The following TMEM108 variants were observed in gnomAD, a reference collection of about 807,000 sequenced individuals.
The protein encoded by TMEM108 is transmembrane protein 108.
TMEM108 carries 12 observed loss-of-function variants against 35.1 expected under a neutral mutation model. The ratio of observed to expected loss-of-function variants is 0.34; its 90% CI spans 0.22 to 0.55. The LOEUF is 0.55. Ranked by LOEUF, TMEM108 falls within the 20% of genes least tolerant of loss-of-function variation. The probability of loss-of-function intolerance (pLI) is 0.89; values close to 1 mark genes in which losing one functional copy is unlikely to be tolerated. For missense variants in TMEM108, 680 were observed against 753.3 expected (o/e 0.90, Z 1.14); for synonymous variants, 287 against 308.6 (o/e 0.93, Z 0.73).
chr3:133,270,473 A>G (rs1946754540), intron 3 of TMEM108, among the ~76,000 whole-genome samples: 1 of 152,218 alleles, frequency 6.6e-6, no homozygotes, highest in Non-Finnish European at 1.5e-5. Flanking sequence ...CCTAGGTTGC[A>G]TAGCTGATCT....
chr3:133,134,925 T>C (rs1944543375), intron 2 of TMEM108, among the ~76,000 whole-genome samples: 1 of 152,178 alleles, frequency 6.6e-6, no homozygotes, highest in South Asian at 2.1e-4. Context: ...TCTATGTCTG[T>C]CTGCTTCCTT....
chr3:133,390,172 C>A lies in TMEM108; in HGVS notation c.1451-8C>A, dbSNP rs530083129. The A allele has an allele frequency of 2.0e-5, 32 of 1,614,086 alleles. No individual in the cohort carries two copies. The South Asian group carries it at 3.2e-4, about 16-fold the overall frequency. ...CCCTCTCCTCTCTGACTTGCACTCT[C>A]TCCATAGCTGTCCTGCTGACGGTGT... On this transcript the variant is annotated splice_polypyrimidine_tract_variant and splice_region_variant and intron_variant, in intron 4 of 5. Coordinates refer to ENST00000321871, the MANE Select transcript of TMEM108 (RefSeq NM_023943.4).
chr3:133,251,397 G>A (rs139742527), intron 3 of TMEM108, among the ~76,000 whole-genome samples: 1 of 152,280 alleles, frequency 6.6e-6, no homozygotes, highest in African/African-American at 2.4e-5. Flanking sequence ...TCTCTAAAGA[G>A]TTTCATACAG....
intron 2 of TMEM108, among the ~76,000 whole-genome samples, chr3:133,102,034 T>G (rs1384697664): frequency 6.6e-6 from 1 of 152,230 alleles, no homozygotes; most frequent in African/African-American, 2.4e-5. Context: ...AGTCTTTTGA[T>G]TCATATTCAT....
At chr3:133,123,614 T>C (rs964556239) in intron 2 of TMEM108, among the ~76,000 whole-genome samples, 4 of 152,236 alleles carry the variant, frequency 2.6e-5, no homozygotes, top group African/African-American at 9.6e-5. Flanking sequence ...GAGCACTCAC[T>C]GTGTGTCATC....
intron 2 of TMEM108, among the ~76,000 whole-genome samples, chr3:133,173,913 G>A (rs889808022): frequency 6.6e-6 from 1 of 152,230 alleles, no homozygotes; most frequent in Non-Finnish European, 1.5e-5. Context: ...AGGGGTTAGG[G>A]AATTCCCTTT....
chr3:133,067,175 A>C (rs1272139082), intron 2 of TMEM108, among the ~76,000 whole-genome samples: 1 of 152,134 alleles, frequency 6.6e-6, no homozygotes, highest in Non-Finnish European at 1.5e-5. Flanking sequence ...TGTCATGGGG[A>C]TAATCAGCTG....
intron 2 of TMEM108, among the ~76,000 whole-genome samples, chr3:133,169,341 A>G (rs1006577313): frequency 1.0e-4 from 4 of 39,746 alleles, no homozygotes; most frequent in African/African-American, 3.5e-4. Context: ...TTCAGTAAGC[A>G]TGTATTTCTT....
intron 2 of TMEM108, among the ~76,000 whole-genome samples, chr3:133,223,465 G>T (rs554417515): frequency 1.3e-5 from 2 of 152,242 alleles, no homozygotes; most frequent in South Asian, 4.2e-4. Context: ...TGCAAGGGTG[G>T]GTTGTTTTTC....
At chr3:133,126,008 A>G (rs1347417596) in intron 2 of TMEM108, among the ~76,000 whole-genome samples, 4 of 152,210 alleles carry the variant, frequency 2.6e-5, no homozygotes, top group African/African-American at 9.7e-5. Flanking sequence ...ACTGACATCA[A>G]TTAACTAATC....
At chr3:133,084,052 C>T (rs1176388612) in intron 2 of TMEM108, among the ~76,000 whole-genome samples, 2 of 151,942 alleles carry the variant, frequency 1.3e-5, no homozygotes, top group Non-Finnish European at 2.9e-5. Flanking sequence ...AGTTTTTGGT[C>T]ATCTGTACAA....
intron 2 of TMEM108, among the ~76,000 whole-genome samples, chr3:133,113,446 C>T (rs1215103229): frequency 1.3e-5 from 2 of 152,140 alleles, no homozygotes; most frequent in Admixed American, 1.3e-4. Flanking sequence ...CCCACCTTCT[C>T]ATTTTTTAAA....
At chr3:133,364,352 G>A (rs1007224708) in intron 3 of TMEM108, among the ~76,000 whole-genome samples, 4 of 152,212 alleles carry the variant, frequency 2.6e-5, no homozygotes, top group Admixed American at 6.5e-5. Flanking sequence ...CAGTAAGTGT[G>A]TGCTGGATGA....
chr3:133,086,751 G>A (rs1943887777), intron 2 of TMEM108, among the ~76,000 whole-genome samples: 1 of 152,126 alleles, frequency 6.6e-6, no homozygotes, highest in South Asian at 2.1e-4. Context: ...AATTAACATT[G>A]GCTCAAATCC....
intron 2 of TMEM108, among the ~76,000 whole-genome samples, chr3:133,065,497 T>G (rs1386499146): frequency 6.6e-6 from 1 of 152,158 alleles, no homozygotes; most frequent in East Asian, 1.9e-4. Flanking sequence ...AACCCAATTT[T>G]TTTTTCATGT....
intron 3 of TMEM108, chr3:133,303,136 A>G (rs1435595323): frequency 6.6e-6 from 1 of 152,118 alleles, no homozygotes; most frequent in Non-Finnish European, 1.5e-5. Context: ...TTACTGTATA[A>G]CTCTTAACTG....
At chr3:133,353,179 TG>T (rs1232999077) in intron 3 of TMEM108, among the ~76,000 whole-genome samples, 2 of 152,172 alleles carry the variant, frequency 1.3e-5, no homozygotes, top group East Asian at 3.9e-4. Context: ...AATGACATGC[TG>T]GGGGTGGAGG....
chr3:133,178,873 A>G (rs1381126417), intron 2 of TMEM108, among the ~76,000 whole-genome samples: 1 of 152,140 alleles, frequency 6.6e-6, no homozygotes, highest in Non-Finnish European at 1.5e-5. Context: ...TGAACAGGCA[A>G]CCTACAGAAT....
intron 2 of TMEM108, among the ~76,000 whole-genome samples, chr3:133,141,047 A>G (rs1463461442): frequency 6.6e-6 from 1 of 152,174 alleles, no homozygotes; most frequent in Admixed American, 6.5e-5. Flanking sequence ...AAATCATAGT[A>G]ATGTTGCTCA....
Sources: allele counts gnomAD v4.1 joint callset (sites outside exome capture counted in the v4.1 genomes callset), GRCh38; gene constraint gnomAD v4.1.1; transcripts MANE v1.5; gene names NCBI Gene and HGNC (gene_info 2026-07-23, HGNC 2026-07-21).